FAM227A: variants seen among roughly 807,000 people sequenced by gnomAD.
FAM227A encodes family with sequence similarity 227 member A.
Under a neutral mutation model 74.7 loss-of-function variants are expected in FAM227A, and 80 were observed. The ratio of observed to expected loss-of-function variants is 1.07; its 90% CI spans 0.89 to 1.29. The LOEUF is 1.29. Ranked by LOEUF, FAM227A falls within the 50% of genes most tolerant of loss-of-function variation. The pLI is 0.00. For synonymous variants in FAM227A, 237 were observed against 241.8 expected, an observed-to-expected ratio of 0.98 and a Z score of 0.19; for missense variants, 654 against 683.4, an observed-to-expected ratio of 0.96 and a Z score of 0.48.
Position 38,578,985 on chromosome 22 carries a change from C to T in FAM227A, c.*7140G>A, listed in dbSNP as rs1201707382. 6.6e-6 allele frequency: 1 copy of T among 152,176 alleles called. No individual in the cohort carries two copies. The highest frequency in any genetic ancestry group is 1.5e-5 in the Non-Finnish European group (1 of 68,042). The allele number at this position is 152,176 out of a possible 1,614,324, so 9.4% of individuals were successfully genotyped here. The stretch of plus-strand genomic sequence containing the variant: ...CTCCTCACACAGACACCATGAGGCA[C>T]AACAATTATCACCCCTATTTACACG... On this transcript the variant is annotated 3_prime_UTR_variant, in exon 17 of 17. Transcript: ENST00000535113.
At chr22:38,611,829 C>G (rs1018764944) in intron 11 of FAM227A, among the ~76,000 whole-genome samples, 2 of 152,192 alleles carry the variant, frequency 1.3e-5, no homozygotes, top group Non-Finnish European at 2.9e-5. Flanking sequence ...TATTTACCCA[C>G]TTGGCATCTA....
At chr22:38,587,326 CA>C (rs1310184060) in intron 16 of FAM227A, among the ~76,000 whole-genome samples, 5 of 151,974 alleles carry the variant, frequency 3.3e-5, no homozygotes, top group Admixed American at 6.6e-5. Flanking sequence ...TTGAAAGAAA[CA>C]AAATGTTAGT....
At chr22:38,653,201 GA>G (rs1483941781) in intron 1 of FAM227A, among the ~76,000 whole-genome samples, 11 of 152,088 alleles carry the variant, frequency 7.2e-5, no homozygotes, top group Non-Finnish European at 5.9e-5. Context: ...CTCCTTATGA[GA>G]ATCTAATGCC....
At chr22:38,592,000 G>A (rs986019517) in intron 15 of FAM227A, among the ~76,000 whole-genome samples, 2 of 151,140 alleles carry the variant, frequency 1.3e-5, no homozygotes, top group Non-Finnish European at 2.9e-5. Context: ...CCAGGCTGGA[G>A]TGCAGTGACA....
At chr22:38,608,929 G>C (rs1275573713) in intron 11 of FAM227A, among the ~76,000 whole-genome samples, 1 of 150,228 alleles carries the variant, frequency 6.7e-6, no homozygotes, top group Non-Finnish European at 1.5e-5. Context: ...CCGAGTAGCT[G>C]GGATTACAGG....
intron 11 of FAM227A, among the ~76,000 whole-genome samples, chr22:38,616,011 G>A (rs1454260153): frequency 3.3e-5 from 5 of 152,124 alleles, no homozygotes; most frequent in South Asian, 2.1e-4. Context: ...GGTCACTGGC[G>A]TATGGGCGGT....
At chr22:38,594,868 G>C (rs1222350788) in intron 15 of FAM227A, among the ~76,000 whole-genome samples, 1 of 152,186 alleles carries the variant, frequency 6.6e-6, no homozygotes, top group African/African-American at 2.4e-5. Flanking sequence ...GGAGGCCGAG[G>C]GGGGTGGATC....
At chr22:38,611,279 T>C (rs1017903053) in intron 11 of FAM227A, among the ~76,000 whole-genome samples, 1 of 152,040 alleles carries the variant, frequency 6.6e-6, no homozygotes, top group Non-Finnish European at 1.5e-5. Context: ...TCAGTTGTTA[T>C]TGTACAGAGT....
intron 6 of FAM227A, among the ~76,000 whole-genome samples, chr22:38,631,005 T>C (rs1036254269): frequency 1.3e-5 from 2 of 152,054 alleles, no homozygotes; most frequent in African/African-American, 4.8e-5. Context: ...CTGTCTCTAC[T>C]AAAAATACAA....
Position 38,583,335 on chromosome 22 carries a change from G to T in FAM227A, c.*2790C>A. 1 of 165,056 alleles carries T rather than the reference G, an allele frequency of 6.1e-6. No homozygotes were observed. The highest frequency in any genetic ancestry group is 1.3e-5 in the Non-Finnish European group (1 of 75,880). The allele number at this position is 165,056 out of a possible 1,614,324, so 10.2% of individuals were successfully genotyped here. The stretch of plus-strand genomic sequence containing the variant: ...TTACAGGCACCTGCCATTGTGCCCG[G>T]CTAATTTTTTTGTATTTTTAGTAGA... On this transcript the variant is annotated 3_prime_UTR_variant, in exon 17 of 17. Transcript: ENST00000535113.
chr22:38,614,631 C>T (rs2091538383), intron 11 of FAM227A, among the ~76,000 whole-genome samples: 1 of 152,174 alleles, frequency 6.6e-6, no homozygotes, highest in East Asian at 1.9e-4. Context: ...CACCACAAAA[C>T]CCAATTACTC....
chr22:38,629,632 T>C (rs2091877660), intron 6 of FAM227A, among the ~76,000 whole-genome samples: 2 of 152,264 alleles, frequency 1.3e-5, no homozygotes, highest in Non-Finnish European at 2.9e-5. Context: ...CCAAAGCGAG[T>C]AGCCTGGGCC....
At chr22:38,650,340 G>C in intron 1 of FAM227A, 78 bp from the exon 2 acceptor site, 1 of 624,484 alleles carries the variant, frequency 1.6e-6, no homozygotes, top group African/African-American at 1.8e-5. Context: ...AGCTACACAG[G>C]GTTGATGGCA....
At position 38,646,252 on chromosome 22, in the gene FAM227A, T is replaced by C. The variant is rs959677779; in HGVS notation, c.143-607A>G. Among the ~76,000 whole-genome samples the C allele has an allele frequency of 1.5e-4, 7 of 45,216 alleles. No homozygotes were observed. The South Asian group carries it at 2.6e-3, about 17-fold the overall frequency. 29.7% of individuals were successfully genotyped at this position (45,216 alleles called of 152,430 possible). The stretch of plus-strand genomic sequence containing the variant: ...GGAATTTTCCTTCCAGTATTTCTTT[T>C]TTTTTTTTTTTTTTTTTTTTTTTTT... On this transcript the variant is annotated intron_variant, in intron 2 of 16. Transcript: ENST00000535113.
chr22:38,637,753 G>C (rs2145658895), intron 5 of FAM227A, among the ~76,000 whole-genome samples: 1 of 152,346 alleles, frequency 6.6e-6, no homozygotes, highest in Non-Finnish European at 1.5e-5. Context: ...ACCTCCCTTA[G>C]GCCTTGTGCT....
At chr22:38,610,957 G>A (rs185432044) in intron 11 of FAM227A, among the ~76,000 whole-genome samples, 51 of 152,234 alleles carry the variant, frequency 3.4e-4, no homozygotes, top group African/African-American at 1.1e-3. Flanking sequence ...CTACTTGGGA[G>A]GCTGAAGTAG....
intron 16 of FAM227A, among the ~76,000 whole-genome samples, chr22:38,589,026 A>G (rs1294484683): frequency 6.6e-6 from 1 of 152,118 alleles, no homozygotes; most frequent in Non-Finnish European, 1.5e-5. Flanking sequence ...AAACCCCAGT[A>G]CCCGTGAATA....
intron 2 of FAM227A, among the ~76,000 whole-genome samples, 165 bp from the exon 3 acceptor site, chr22:38,645,810 G>C (rs1483686762): frequency 9.2e-5 from 14 of 152,006 alleles, no homozygotes; most frequent in Non-Finnish European, 2.9e-5. Context: ...TTCTGAGACA[G>C]GGCCACGCTT....
intron 13 of FAM227A, among the ~76,000 whole-genome samples, chr22:38,604,184 G>A (rs763613964): frequency 3.3e-5 from 5 of 151,866 alleles, no homozygotes; most frequent in Admixed American, 6.6e-5. Context: ...AAAATTAGCC[G>A]GGTGTGGTGG....
Sources: allele counts gnomAD v4.1 joint callset (sites outside exome capture counted in the v4.1 genomes callset), GRCh38; gene constraint gnomAD v4.1.1; transcripts MANE v1.5; gene names NCBI Gene and HGNC (gene_info 2026-07-23, HGNC 2026-07-21).